The following TANC1 variants were observed in gnomAD, a reference collection of about 807,000 sequenced individuals.
The protein encoded by TANC1 is tetratricopeptide repeat, ankyrin repeat and coiled-coil containing 1, also known as protein TANC1.
Under a neutral mutation model 149.7 loss-of-function variants are expected in TANC1, and 77 were observed. The observed-to-expected ratio is 0.51, with a 90% CI of 0.43 to 0.62. The LOEUF (loss-of-function observed/expected upper bound fraction) is 0.62, where lower values mean the gene tolerates loss of function less well. Ranked by LOEUF, TANC1 falls within the 20% of genes least tolerant of loss-of-function variation. TANC1 has a pLI of 0.00. For missense variants in TANC1, 1,985 were observed against 2,321.8 expected (o/e 0.85, Z 2.98); for synonymous variants, 854 against 925.0 (o/e 0.92, Z 1.39).
chr2:158,969,329 T>C (rs1363036935), intron 1 of TANC1, among the ~76,000 whole-genome samples: 2 of 152,146 alleles, frequency 1.3e-5, no homozygotes, highest in Non-Finnish European at 2.9e-5. Flanking sequence ...GCCGGAGGCA[T>C]GGTATTGCCC....
chr2:159,143,382 T>C (rs544094442), intron 5 of TANC1, among the ~76,000 whole-genome samples: 2 of 152,008 alleles, frequency 1.3e-5, no homozygotes, highest in Admixed American at 6.6e-5. Flanking sequence ...AAACAGACCA[T>C]TGGATCTTAC....
intron 2 of TANC1, among the ~76,000 whole-genome samples, chr2:159,047,445 A>T (rs951634615): frequency 3.3e-5 from 5 of 152,114 alleles, no homozygotes; most frequent in Non-Finnish European, 7.3e-5. Context: ...TGGGCCCCCA[A>T]ATCGCTAAAG....
intron 2 of TANC1, among the ~76,000 whole-genome samples, chr2:159,047,077 G>A (rs2041119985): frequency 1.3e-5 from 2 of 151,894 alleles, no homozygotes; most frequent in Admixed American, 6.6e-5. Context: ...CACACTTCAT[G>A]GACCCCCCAG....
chr2:159,053,076 T>A (rs2149601447), intron 2 of TANC1, among the ~76,000 whole-genome samples: 1 of 152,334 alleles, frequency 6.6e-6, no homozygotes, highest in Non-Finnish European at 1.5e-5. Flanking sequence ...TATGGCACCC[T>A]TGTGTCTTTC....
chr2:159,091,630 C>T (rs554668588), intron 3 of TANC1, among the ~76,000 whole-genome samples: 14 of 152,242 alleles, frequency 9.2e-5, no homozygotes, highest in African/African-American at 2.6e-4. Context: ...TAAAACCATG[C>T]GGACAGTATT....
At chr2:159,196,088 A>G (rs1041747013) in intron 17 of TANC1, among the ~76,000 whole-genome samples, 27 of 152,144 alleles carry the variant, frequency 1.8e-4, no homozygotes, top group African/African-American at 6.0e-4. Context: ...GGCCTACATG[A>G]GACCTCCTTC....
At chr2:159,214,810 A>T (rs1336173844) in intron 19 of TANC1, among the ~76,000 whole-genome samples, 1 of 152,140 alleles carries the variant, frequency 6.6e-6, no homozygotes, top group African/African-American at 2.4e-5. Flanking sequence ...GCAAACATAG[A>T]TTAAGAGGCT....
intron 1 of TANC1, among the ~76,000 whole-genome samples, chr2:158,980,099 G>C (rs995485819): frequency 6.6e-6 from 1 of 152,194 alleles, no homozygotes; most frequent in Non-Finnish European, 1.5e-5. Context: ...GTTAACAGGT[G>C]TTACGCAGGG....
chr2:159,055,577 T>C (rs1219136414), intron 2 of TANC1, among the ~76,000 whole-genome samples: 1 of 152,218 alleles, frequency 6.6e-6, no homozygotes, highest in Admixed American at 6.5e-5. Flanking sequence ...ACATCCAAAT[T>C]TTAAAAATTC....
intron 3 of TANC1, among the ~76,000 whole-genome samples, chr2:159,091,343 A>G (rs1414206824): frequency 3.3e-5 from 5 of 152,194 alleles, no homozygotes; most frequent in African/African-American, 1.2e-4. Flanking sequence ...GATTAAGTTT[A>G]AATAATATAT....
chr2:159,126,336 G>C (rs1559307586), intron 4 of TANC1, among the ~76,000 whole-genome samples: 1 of 152,140 alleles, frequency 6.6e-6, no homozygotes, highest in Non-Finnish European at 1.5e-5. Context: ...ATCAAACCTA[G>C]GGCACCATTC....
In TANC1 at chr2:159,097,829, C is replaced by T. The variant is rs2046287297; in HGVS notation, c.254C>T (p.Ser85Phe). Residue 85 changes from serine (S) to phenylalanine (F), a missense_variant, in exon 4 of 27, where the codon TCC (serine) becomes TTC (phenylalanine). Coordinates refer to ENST00000263635, the MANE Select transcript of TANC1 (RefSeq NM_033394.3). ...HLVQSRVNKK[S>F]PGPVRKPKYV... ...GTGCAATCAAGAGTGAACAAAAAAT[C>T]CCCAGGTAAACAGGCAATGAAGGAG... 1 of 1,611,086 alleles carries T rather than the reference C, an allele frequency of 6.2e-7. No homozygotes were observed. The highest frequency in any genetic ancestry group is 8.5e-7 in the Non-Finnish European group (1 of 1,177,994).
At chr2:158,983,807 AG>A (rs1274447882) in intron 1 of TANC1, among the ~76,000 whole-genome samples, 3 of 152,200 alleles carry the variant, frequency 2.0e-5, no homozygotes, top group Non-Finnish European at 4.4e-5. Flanking sequence ...CTCACAGTGG[AG>A]AAATGGGGAT....
intron 4 of TANC1, among the ~76,000 whole-genome samples, chr2:159,128,512 C>T (rs2049727457): frequency 1.3e-5 from 2 of 152,186 alleles, no homozygotes; most frequent in South Asian, 4.1e-4. Flanking sequence ...CCAAGGTTTT[C>T]CAGCTTGGTC....
intron 20 of TANC1, among the ~76,000 whole-genome samples, chr2:159,218,000 T>C (rs960124850): frequency 6.6e-6 from 1 of 152,268 alleles, no homozygotes; most frequent in Non-Finnish European, 1.5e-5. Flanking sequence ...GCAGTTCTTT[T>C]GTGCTCTTTG....
chr2:159,100,852 T>G (rs2046614338), intron 4 of TANC1, among the ~76,000 whole-genome samples: 2 of 151,862 alleles, frequency 1.3e-5, no homozygotes, highest in Admixed American at 1.3e-4. Flanking sequence ...AGCTCTAATG[T>G]TCTACCTGCC....
At chr2:158,987,072 G>A (rs931578225) in intron 1 of TANC1, among the ~76,000 whole-genome samples, 1 of 151,674 alleles carries the variant, frequency 6.6e-6, no homozygotes, top group African/African-American at 2.4e-5. Context: ...AAATTGGTCA[G>A]GCGTCATTGT....
chr2:159,008,907 C>T (rs2037488631), intron 2 of TANC1, among the ~76,000 whole-genome samples: 1 of 152,066 alleles, frequency 6.6e-6, no homozygotes, highest in Non-Finnish European at 1.5e-5. Flanking sequence ...CATCAGTAAC[C>T]ACCTAGACCA....
intron 4 of TANC1, among the ~76,000 whole-genome samples, chr2:159,117,982 T>C (rs1024835248): frequency 2.0e-5 from 3 of 151,864 alleles, no homozygotes; most frequent in African/African-American, 4.8e-5. Context: ...CTGGAATTTT[T>C]CTGTACTGGA....
Sources: allele counts gnomAD v4.1 joint callset (sites outside exome capture counted in the v4.1 genomes callset), GRCh38; gene constraint gnomAD v4.1.1; transcripts MANE v1.5; gene names NCBI Gene and HGNC (gene_info 2026-07-23, HGNC 2026-07-21).